The following CHCHD6 variants were observed in gnomAD, a reference collection of about 807,000 sequenced individuals.
CHCHD6 encodes coiled-coil-helix-coiled-coil-helix domain containing 6, also known as MICOS complex subunit MIC25.
CHCHD6 carries 28 observed loss-of-function variants against 32.3 expected under a neutral mutation model. That is an observed-to-expected ratio of 0.87 (90% CI 0.64 to 1.19). The LOEUF is 1.19. Ranked by LOEUF, CHCHD6 falls within the 50% of genes most tolerant of loss-of-function variation. The probability of loss-of-function intolerance (pLI) is 0.00; values close to 1 mark genes in which losing one functional copy is unlikely to be tolerated. For missense variants in CHCHD6, 333 were observed against 307.0 expected, an observed-to-expected ratio of 1.08 and a Z score of -0.63; for synonymous variants, 122 against 117.5, an observed-to-expected ratio of 1.04 and a Z score of -0.25.
intron 4 of CHCHD6, among the ~76,000 whole-genome samples, chr3:126,851,667 G>A (rs1004420810): frequency 1.3e-5 from 2 of 152,336 alleles, no homozygotes; most frequent in Admixed American, 1.3e-4. Context: ...GCGGGCCCTG[G>A]GGCCTAGGCC....
intron 4 of CHCHD6, among the ~76,000 whole-genome samples, chr3:126,759,785 A>G (rs1164370258): frequency 6.6e-6 from 1 of 152,178 alleles, no homozygotes; most frequent in Non-Finnish European, 1.5e-5. Context: ...TGCTATGGTA[A>G]AGGTACTGTT....
At chr3:126,738,697 T>C (rs1936163788) in intron 4 of CHCHD6, among the ~76,000 whole-genome samples, 1 of 152,170 alleles carries the variant, frequency 6.6e-6, no homozygotes. Context: ...CGTGATCCCA[T>C]TGCAGTGCCC....
In CHCHD6 at chr3:126,920,211, C is replaced by CTTTT. The variant is rs11414526; in HGVS notation, c.566+5473_566+5476dup. On this transcript the variant is annotated intron_variant, in intron 6 of 7. Transcript: ENST00000290913. The stretch of plus-strand genomic sequence containing the variant: ...AATTCTAAAAGTTCTATTTGCTTTG[C>CTTTT]TTTTTTTTTTTTTTTAAGATTCCCA... 5.8e-3 allele frequency among the ~76,000 whole-genome samples: 803 copies of CTTTT among 138,118 alleles called. 9 individuals carry two copies. Among genetic ancestry groups the CTTTT allele is most frequent in the African/African-American group, 0.02 (758 of 37,102 alleles). The allele number at this position is 138,118 out of a possible 152,430, so 90.6% of individuals were successfully genotyped here.
chr3:126,854,081 A>C (rs565893888), intron 5 of CHCHD6, among the ~76,000 whole-genome samples: 5 of 152,244 alleles, frequency 3.3e-5, no homozygotes, highest in African/African-American at 1.2e-4. Context: ...TTGCCTCTCT[A>C]AAATCTGTTT....
chr3:126,798,384 A>G (rs1236929036), intron 4 of CHCHD6, among the ~76,000 whole-genome samples: 1 of 152,272 alleles, frequency 6.6e-6, no homozygotes, highest in East Asian at 1.9e-4. Flanking sequence ...AAGTGATTTC[A>G]TTAGAGGCTT....
intron 5 of CHCHD6, among the ~76,000 whole-genome samples, chr3:126,895,165 T>G (rs927121326): frequency 6.6e-6 from 1 of 152,372 alleles, no homozygotes; most frequent in South Asian, 2.1e-4. Context: ...AATGGTTGCA[T>G]AGCTAAAATC....
chr3:126,728,201 C>CCA, intron 2 of CHCHD6, among the ~76,000 whole-genome samples: 1 of 152,292 alleles, frequency 6.6e-6, no homozygotes, highest in Non-Finnish European at 1.5e-5. Context: ...GTGCCCTGTG[C>CCA]CAAGACACAG....
intron 4 of CHCHD6, among the ~76,000 whole-genome samples, chr3:126,735,122 G>A (rs892209359): frequency 6.6e-6 from 1 of 152,096 alleles, no homozygotes; most frequent in Non-Finnish European, 1.5e-5. Flanking sequence ...CCCTATCCTG[G>A]AGATGACGCG....
At chr3:126,766,377 C>T (rs1937370915) in intron 4 of CHCHD6, 3 of 502,744 alleles carry the variant, frequency 6.0e-6, no homozygotes, top group Non-Finnish European at 1.1e-5. Context: ...CATCCCAGTG[C>T]ACATGGAAGT....
chr3:126,841,782 G>A (rs767686057), intron 4 of CHCHD6, among the ~76,000 whole-genome samples: 2 of 152,062 alleles, frequency 1.3e-5, no homozygotes, highest in East Asian at 1.9e-4. Context: ...GGGCATTGTG[G>A]CATGTGCCTG....
intron 5 of CHCHD6, among the ~76,000 whole-genome samples, chr3:126,864,917 TCTC>T (rs1466886970): frequency 1.4e-4 from 4 of 29,434 alleles, no homozygotes; most frequent in African/African-American, 3.8e-4. Flanking sequence ...ACCATCACCT[TCTC>T]CTCCACCATC....
intron 1 of CHCHD6, among the ~76,000 whole-genome samples, chr3:126,715,618 C>T (rs751944212): frequency 6.6e-6 from 1 of 152,126 alleles, no homozygotes; most frequent in Non-Finnish European, 1.5e-5. Context: ...TGGAACAGAG[C>T]TGCATGGATG....
At chr3:126,874,924 T>C (rs1244292413) in intron 5 of CHCHD6, among the ~76,000 whole-genome samples, 2 of 152,190 alleles carry the variant, frequency 1.3e-5, no homozygotes, top group Non-Finnish European at 2.9e-5. Flanking sequence ...ACCAGCAGAA[T>C]GGACCTGCTT....
intron 4 of CHCHD6, among the ~76,000 whole-genome samples, chr3:126,840,657 TTTTC>T: frequency 6.6e-6 from 1 of 152,232 alleles, no homozygotes; most frequent in East Asian, 1.9e-4. Context: ...GATAGGTATA[TTTTC>T]TTTTCTGATT....
intron 3 of CHCHD6, 112 bp from the exon 4 acceptor site, chr3:126,732,966 G>T: frequency 8.3e-7 from 1 of 1,204,362 alleles, no homozygotes; most frequent in Non-Finnish European, 1.2e-6. Flanking sequence ...CCAGCCGCTG[G>T]CTGGTTTCAG....
At chr3:126,868,980 G>T (rs1413194471) in intron 5 of CHCHD6, among the ~76,000 whole-genome samples, 1 of 152,172 alleles carries the variant, frequency 6.6e-6, no homozygotes, top group Non-Finnish European at 1.5e-5. Context: ...AGTCTCATGA[G>T]CTTTCATCAG....
At chr3:126,919,311 TTTTTTC>T (rs869057724) in intron 6 of CHCHD6, among the ~76,000 whole-genome samples, 2,021 of 33,440 alleles carry the variant, frequency 0.06, 23 homozygotes, top group Non-Finnish European at 0.1. Context: ...ATTTCTTTTC[TTTTTTC>T]TTTTTTTTTT....
rs544951449 is a variant in CHCHD6, at chr3:126,706,951, A to C, written c.87+2552A>C. Among the ~76,000 whole-genome samples, 3 of 152,218 alleles carry C rather than the reference A, an allele frequency of 2.0e-5. No individual in the cohort carries two copies. In the South Asian group the frequency reaches 6.2e-4, roughly 32 times the overall value. ...TTAATTCCTGAGGCCTGGTCTTAGA[A>C]AGTGTTCTCGTCCCTGTAAGATTAA... On this transcript the variant is annotated intron_variant, in intron 1 of 7. Coordinates refer to ENST00000290913, the MANE Select transcript of CHCHD6 (RefSeq NM_032343.3).
intron 4 of CHCHD6, among the ~76,000 whole-genome samples, chr3:126,845,307 G>T (rs1011839592): frequency 2.0e-5 from 3 of 152,188 alleles, no homozygotes; most frequent in Admixed American, 2.0e-4. Context: ...TTAGAATTCT[G>T]TGATCTCCTC....
Sources: allele counts gnomAD v4.1 joint callset (sites outside exome capture counted in the v4.1 genomes callset), GRCh38; gene constraint gnomAD v4.1.1; transcripts MANE v1.5; gene names NCBI Gene and HGNC (gene_info 2026-07-23, HGNC 2026-07-21).